Variants in KANK4 observed in about 807,000 individuals in gnomAD.
KANK4 encodes the protein KN motif and ankyrin repeat domains 4, also known as KN motif and ankyrin repeat domain-containing protein 4.
In KANK4, 50 loss-of-function variants were observed where a neutral mutation model predicts 80.8. The observed-to-expected ratio is 0.62, with a 90% confidence interval of 0.49 to 0.78. The LOEUF (loss-of-function observed/expected upper bound fraction) is 0.78, where lower values mean the gene tolerates loss of function less well. Ranked by LOEUF, KANK4 falls within the 30% of genes least tolerant of loss-of-function variation. KANK4 has a pLI of 0.00. For missense variants in KANK4, 1,196 were observed against 1,240.1 expected, an observed-to-expected ratio of 0.96 and a Z score of 0.53; for synonymous variants, 465 against 506.9, an observed-to-expected ratio of 0.92 and a Z score of 1.11.
intron 1 of KANK4, among the ~76,000 whole-genome samples, chr1:62,308,419 G>A (rs951999059): frequency 6.6e-6 from 1 of 152,078 alleles, no homozygotes; most frequent in Admixed American, 6.5e-5. Flanking sequence ...GTGAGTCTAT[G>A]CTGGTTACCA....
At chr1:62,263,662 C>A (rs1671949339) in intron 6 of KANK4, among the ~76,000 whole-genome samples, 1 of 152,082 alleles carries the variant, frequency 6.6e-6, no homozygotes, top group South Asian at 2.1e-4. Flanking sequence ...AAGGCCCTCT[C>A]CTTCCCCCTC....
At chr1:62,286,641 T>C (rs1672574334) in intron 1 of KANK4, among the ~76,000 whole-genome samples, 1 of 152,192 alleles carries the variant, frequency 6.6e-6, no homozygotes, top group African/African-American at 2.4e-5. Context: ...TCCCTGCAGC[T>C]GATGTGGCTC....
At chr1:62,280,701 T>A (rs1455766913) in intron 2 of KANK4, among the ~76,000 whole-genome samples, 1 of 152,238 alleles carries the variant, frequency 6.6e-6, no homozygotes, top group Non-Finnish European at 1.5e-5. Context: ...CATGCAGACA[T>A]TCATTATGCT....
chr1:62,249,121 C>T (rs1029977002), intron 8 of KANK4, among the ~76,000 whole-genome samples: 9 of 146,452 alleles, frequency 6.1e-5, no homozygotes, highest in Non-Finnish European at 1.0e-4. Context: ...GCTGAGATTG[C>T]ACTACTGCAC....
chr1:62,250,230 A>G (rs1320874493), intron 8 of KANK4, among the ~76,000 whole-genome samples: 1 of 149,852 alleles, frequency 6.7e-6, no homozygotes, highest in Non-Finnish European at 1.5e-5. Context: ...TCAAGTGATC[A>G]GCCCGCCTCG....
At chr1:62,284,867 T>G (rs1672528641) in intron 1 of KANK4, among the ~76,000 whole-genome samples, 1 of 152,138 alleles carries the variant, frequency 6.6e-6, no homozygotes. Context: ...TTATTGCAAG[T>G]CTTATTCCCA....
At chr1:62,253,840 C>T (rs1266591481) in intron 7 of KANK4, among the ~76,000 whole-genome samples, 1 of 152,210 alleles carries the variant, frequency 6.6e-6, no homozygotes, top group Non-Finnish European at 1.5e-5. Context: ...GATGTTATTC[C>T]CATTTTACAG....
Position 62,268,479 on chromosome 1 carries a change from G to A in KANK4, c.2039C>T (p.Thr680Ile). Reference sequence around the variant, plus strand: ...CTCTGGGGTGCTGTCCTCACCGCTGGTCTCCTCACTTGAGGTGGTCTCATA... The same window carrying A: ...CTCTGGGGTGCTGTCCTCACCGCTGATCTCCTCACTTGAGGTGGTCTCATA... ...GGYETTSSEE[T>I]SGEDSTPEDL... The change falls in exon 5 of 10, where the codon ACC becomes ATC. Residue 680 changes from threonine to isoleucine, a missense_variant. Coordinates refer to ENST00000371153, the MANE Select transcript of KANK4 (RefSeq NM_181712.5). 1 of 1,613,672 alleles carries A rather than the reference G, an allele frequency of 6.2e-7. No homozygotes were observed. Among genetic ancestry groups the A allele is most frequent in the Non-Finnish European group, 8.5e-7 (1 of 1,179,990 alleles).
In KANK4 at chr1:62,274,751, G is replaced by A. The variant is rs768077936; in HGVS notation, c.353C>T (p.Ala118Val). The A allele has an allele frequency of 3.1e-6, 5 of 1,613,996 alleles. No homozygotes were observed. The highest frequency in any genetic ancestry group is 4.2e-6 in the Non-Finnish European group (5 of 1,180,012). The change falls in exon 3 of 10, where the codon GCC (alanine) becomes GTC (valine). Residue 118 changes from alanine to valine, a missense_variant. Around this residue, in one of 3 missense-constraint regions of KANK4, gnomAD observed 1,154 missense variants for 1,179.6 expected, o/e 0.98. Transcript: ENST00000371153. ...GCTCACCTCACTCCTGCTTGTTGAG[G>A]CCTGGGGGGCATTACCAAGCGGTGG... ...QSPPLGNAPQ[A>V]STSRSEVSYH...
At chr1:62,281,523 C>A in intron 2 of KANK4, 26 bp downstream of exon 2, 1 of 1,614,110 alleles carries the variant, frequency 6.2e-7, no homozygotes, top group South Asian at 1.1e-5. Flanking sequence ...TATCTTAAAC[C>A]AGGCCCTACA....
chr1:62,276,594 G>A (rs749675582), intron 2 of KANK4, among the ~76,000 whole-genome samples: 8 of 152,062 alleles, frequency 5.3e-5, no homozygotes, highest in Non-Finnish European at 8.8e-5. Flanking sequence ...TGGCCAACAC[G>A]GTGAAACCCC....
At chr1:62,313,164 T>G (rs528025756) in intron 1 of KANK4, among the ~76,000 whole-genome samples, 33 of 152,356 alleles carry the variant, frequency 2.2e-4, no homozygotes, top group African/African-American at 7.7e-4. Context: ...ACTGTGCTAA[T>G]TTATAAATTA....
intron 7 of KANK4, among the ~76,000 whole-genome samples, chr1:62,258,454 TATAA>T (rs1671801063): frequency 6.6e-6 from 1 of 152,236 alleles, no homozygotes; most frequent in Non-Finnish European, 1.5e-5. Context: ...CACTGTTAGC[TATAA>T]TTTAATCTTC....
At chr1:62,255,760 C>A (rs1570975135) in intron 7 of KANK4, among the ~76,000 whole-genome samples, 1 of 152,076 alleles carries the variant, frequency 6.6e-6, no homozygotes, top group Non-Finnish European at 1.5e-5. Context: ...GTGATCCTCC[C>A]ACCTCAGCCT....
chr1:62,274,047 C>G lies in KANK4; in HGVS notation c.1057G>C (p.Glu353Gln), dbSNP rs150621762. Reference sequence around the variant, plus strand: ...TCGGTTCTTCCAGACAACTCTCCCTCCAGGGCCGAGACCTGCTGTTTCAGG... The same window carrying G: ...TCGGTTCTTCCAGACAACTCTCCCTGCAGGGCCGAGACCTGCTGTTTCAGG... ...SSLKQQVSAL[E>Q]GELSGRTEEL... The change falls in exon 3 of 10, where the codon GAG becomes CAG. Residue 353 changes from glutamate to glutamine, a missense_variant. Physicochemically the swap from Glu to Gln is conservative, Grantham distance 29 (BLOSUM62 2). This residue lies in a region of KANK4 where 1,154 missense variants were observed against 1,179.6 expected (regional missense o/e 0.98). Coordinates refer to ENST00000371153, the MANE Select transcript of KANK4 (RefSeq NM_181712.5). 2 of 1,614,108 alleles carry G rather than the reference C, an allele frequency of 1.2e-6. No individual in the cohort carries two copies. Among genetic ancestry groups the G allele is most frequent in the African/African-American group, 2.7e-5 (2 of 74,944 alleles).
At chr1:62,238,436 G>A (rs1671259113) in intron 9 of KANK4, 55 bp from the exon 10 acceptor site, 1 of 1,493,422 alleles carries the variant, frequency 6.7e-7, no homozygotes, top group Non-Finnish European at 9.3e-7. Flanking sequence ...CCTCCTGCCT[G>A]GGGGAGAAGG....
In KANK4 at chr1:62,237,646, T is replaced by C. The variant is rs898010971; in HGVS notation, c.*631A>G. 5.9e-5 allele frequency: 9 copies of C among 152,190 alleles called. No individual in the cohort carries two copies. Among genetic ancestry groups the C allele is most frequent in the African/African-American group, 1.9e-4 (8 of 41,440 alleles). The allele number at this position is 152,190 out of a possible 1,614,324, so 9.4% of individuals were successfully genotyped here. A position where few individuals can be genotyped will look rare whatever the true frequency, so the allele number is the denominator to read the frequency against. On this transcript the variant is annotated 3_prime_UTR_variant, in exon 10 of 10. Coordinates refer to ENST00000371153, the MANE Select transcript of KANK4 (RefSeq NM_181712.5). ...ACTCAGAAATAGTCAAGACTGTACA[T>C]ATGGCATTGATGCCAAAGTGCTTCT...
intron 9 of KANK4, among the ~76,000 whole-genome samples, chr1:62,239,170 G>A (rs1671280808): frequency 6.6e-6 from 1 of 151,676 alleles, no homozygotes; most frequent in South Asian, 2.1e-4. Flanking sequence ...CCAAAGTTTT[G>A]GGATTACAGA....
intron 2 of KANK4, among the ~76,000 whole-genome samples, chr1:62,276,209 G>A (rs886958813): frequency 6.6e-6 from 1 of 152,144 alleles, no homozygotes; most frequent in Admixed American, 6.5e-5. Context: ...GCATCCATAG[G>A]GGCCTGTTGC....
Sources: gnomAD v4.1 joint callset for allele counts (sites outside exome capture counted in the v4.1 genomes callset) on GRCh38, gnomAD v4.1.1 for gene constraint, gnomAD v4.1.1 regional missense constraint, MANE v1.5 for transcripts, NCBI Gene and HGNC (gene_info 2026-07-23, HGNC 2026-07-21) for gene names.